AP3M1: variants seen among roughly 807,000 people sequenced by gnomAD.
AP3M1 encodes AP-3 complex subunit mu-1.
A neutral mutation model predicts 42.6 loss-of-function variants in AP3M1; 29 were observed. That is an observed-to-expected ratio of 0.68 (90% confidence interval 0.51 to 0.93). The LOEUF is 0.93. Ranked by LOEUF, AP3M1 falls within the 40% of genes least tolerant of loss-of-function variation. The pLI is 0.00. For missense variants in AP3M1, 416 were observed against 510.2 expected (o/e 0.82, Z 1.78); for synonymous variants, 178 against 175.3 (o/e 1.02, Z -0.12).
Position 74,122,129 on chromosome 10 carries a change from C to T in AP3M1, c.*1681G>A, listed in dbSNP as rs973496292. On this transcript the variant is annotated 3_prime_UTR_variant, in exon 9 of 9. Coordinates refer to ENST00000355264, the MANE Select transcript of AP3M1 (RefSeq NM_012095.6). Reference sequence around the variant, plus strand: ...GGCAAAAGGAATAAATATTTGGCAACATTTTGACTTTAACTGCCAATCTGA... The same window carrying T: ...GGCAAAAGGAATAAATATTTGGCAATATTTTGACTTTAACTGCCAATCTGA... The T allele has an allele frequency of 7.9e-5, 12 of 152,170 alleles. No homozygotes were observed. The highest frequency in any genetic ancestry group is 2.7e-4 in the African/African-American group (11 of 41,434). 9.4% of individuals were successfully genotyped at this position (152,170 alleles called of 1,614,324 possible). A position where few individuals can be genotyped will look rare whatever the true frequency, so the allele number is the denominator to read the frequency against.
At chr10:74,124,559 C>T (rs761902577) in intron 7 of AP3M1, 35 bp from the exon 8 acceptor site, 2 of 1,539,058 alleles carry the variant, frequency 1.3e-6, no homozygotes, top group Non-Finnish European at 1.8e-6. Context: ...CAAATAGAAC[C>T]ATTTATTAAA....
Position 74,138,329 on chromosome 10 carries a change from C to G in AP3M1, c.51G>C (p.Glu17Asp), listed in dbSNP as rs1250297271. The change falls in exon 2 of 9, where the codon GAG (glutamate) becomes GAC (aspartate). Residue 17 changes from glutamate to aspartate, a missense_variant. Transcript: ENST00000355264. Reference sequence around the variant, plus strand: ...GGCTCACAACGCTCTTCCAGTGCTTCTCTAGAAATATGTCACCGGAACAGT... The same window carrying G: ...GGCTCACAACGCTCTTCCAGTGCTTGTCTAGAAATATGTCACCGGAACAGT... ...LINCSGDIFL[E>D]KHWKSVVSQS... 6.2e-7 allele frequency: 1 copy of G among 1,614,136 alleles called. No individual in the cohort carries two copies. Among genetic ancestry groups the G allele is most frequent in the Non-Finnish European group, 8.5e-7 (1 of 1,180,010 alleles).
chr10:74,134,559 T>C (rs929240287), intron 3 of AP3M1, among the ~76,000 whole-genome samples: 7 of 152,254 alleles, frequency 4.6e-5, no homozygotes, highest in African/African-American at 7.2e-5. Context: ...CCTTCAGTAT[T>C]CAACTTTATT....
At chr10:74,144,666 T>C (rs1841274715) in intron 1 of AP3M1, among the ~76,000 whole-genome samples, 1 of 141,886 alleles carries the variant, frequency 7.0e-6, no homozygotes, top group African/African-American at 2.6e-5. Context: ...TAGCTTATGA[T>C]TTTTTTTTTT....
At position 74,126,600 on chromosome 10, in the gene AP3M1, C is replaced by A. The variant is rs542873614; in HGVS notation, c.804-245G>T. The stretch of plus-strand genomic sequence containing the variant: ...TGGTGGCTCATGCCTGTAATCCCAG[C>A]ACTTTGGGAGGCCGAGACCAGGGTT... On this transcript the variant is annotated intron_variant, in intron 6 of 8. Coordinates refer to ENST00000355264, the MANE Select transcript of AP3M1 (RefSeq NM_012095.6). Among the ~76,000 whole-genome samples the A allele has an allele frequency of 3.9e-5, 6 of 152,170 alleles. No homozygotes were observed. The East Asian group carries it at 1.2e-3, about 29-fold the overall frequency.
chr10:74,146,924 A>C (rs569621381), intron 1 of AP3M1, among the ~76,000 whole-genome samples: 2 of 152,220 alleles, frequency 1.3e-5, no homozygotes, highest in East Asian at 3.9e-4. Context: ...ATAGCTTATT[A>C]GTGTATTTCC....
chr10:74,142,785 T>C (rs1841196956), intron 1 of AP3M1, among the ~76,000 whole-genome samples: 1 of 152,240 alleles, frequency 6.6e-6, no homozygotes, highest in African/African-American at 2.4e-5. Context: ...ACTTGCTATA[T>C]AGAACCTGCT....
chr10:74,136,859 A>G, intron 2 of AP3M1, 56 bp from the exon 3 acceptor site: 2 of 1,222,080 alleles, frequency 1.6e-6, no homozygotes, highest in Non-Finnish European at 2.2e-6. Context: ...AAGGCCTGCT[A>G]AATACTTTTT....
At position 74,134,203 on chromosome 10, in the gene AP3M1, A is replaced by C. The variant is rs368987243; in HGVS notation, c.446-39T>G. ...AAGGAGAAGGCAAAGCTGATGTATA[A>C]AACAGTCATGAGAAAATTTATTACT... On this transcript the variant is annotated intron_variant, in intron 3 of 8. Transcript: ENST00000355264. The C allele has an allele frequency of 3.5e-5, 55 of 1,565,288 alleles. No homozygotes were observed. In the South Asian group the frequency reaches 4.4e-4, roughly 13 times the overall value.
chr10:74,145,498 A>G (rs2132000374), intron 1 of AP3M1, among the ~76,000 whole-genome samples: 1 of 152,388 alleles, frequency 6.6e-6, no homozygotes, highest in South Asian at 2.1e-4. Flanking sequence ...TCTAATGCAT[A>G]TAACAATTAA....
intron 1 of AP3M1, chr10:74,150,390 TC>T: frequency 6.5e-6 from 1 of 152,816 alleles, no homozygotes; most frequent in Middle Eastern, 3.4e-3. Context: ...CCCAGGCTCT[TC>T]CAGGCACCAC....
chr10:74,136,498 C>A, intron 3 of AP3M1, 134 bp downstream of exon 3: 4 of 565,632 alleles, frequency 7.1e-6, no homozygotes, highest in Non-Finnish European at 1.1e-5. Context: ...ATAGTACATC[C>A]ATTTTAACTT....
At chr10:74,132,851 C>T (rs749199292) in intron 4 of AP3M1, among the ~76,000 whole-genome samples, 3 of 152,130 alleles carry the variant, frequency 2.0e-5, no homozygotes, top group Non-Finnish European at 4.4e-5. Context: ...GGTAGAGGTA[C>T]ATAGGGTAAT....
intron 1 of AP3M1, among the ~76,000 whole-genome samples, chr10:74,149,483 T>C (rs1049537222): frequency 6.6e-6 from 1 of 151,724 alleles, no homozygotes; most frequent in Non-Finnish European, 1.5e-5. Flanking sequence ...AGAGACAGGG[T>C]TTCACTATGT....
intron 3 of AP3M1, among the ~76,000 whole-genome samples, chr10:74,134,802 A>G (rs575812283): frequency 6.6e-6 from 1 of 152,328 alleles, no homozygotes; most frequent in South Asian, 2.1e-4. Flanking sequence ...CGAAAGTACT[A>G]CATACTTAAC....
At chr10:74,130,159 C>A (rs1840740710) in intron 4 of AP3M1, among the ~76,000 whole-genome samples, 167 bp from the exon 5 acceptor site, 1 of 152,114 alleles carries the variant, frequency 6.6e-6, no homozygotes, top group South Asian at 2.1e-4. Context: ...CAGCCTCACT[C>A]CTGGGCTCAA....
At chr10:74,133,653 CT>C (rs1472307685) in intron 4 of AP3M1, among the ~76,000 whole-genome samples, 1 of 151,390 alleles carries the variant, frequency 6.6e-6, no homozygotes, top group African/African-American at 2.4e-5. Flanking sequence ...CTTCAATTTT[CT>C]TTTCCTTTCT....
In AP3M1 at chr10:74,138,176, A is replaced by G; in HGVS notation, c.204T>C (p.Ser68=). The G allele has an allele frequency of 6.2e-7, 1 of 1,614,198 alleles. No individual in the cohort carries two copies. Among genetic ancestry groups the G allele is most frequent in the Non-Finnish European group, 8.5e-7 (1 of 1,180,028 alleles). ...GAGGTGGCACTTCGGTCTGTATGAC[A>G]GATACAAAGAAGAGCTTATCCCGGT... The part of the protein sequence containing the change: ...SIYRDKLFFV[S]VIQTEVPPLF... The change falls in exon 2 of 9, where the codon TCT becomes TCC. Residue 68 remains serine (S), a synonymous_variant. Coordinates refer to ENST00000355264, the MANE Select transcript of AP3M1 (RefSeq NM_012095.6).
At chr10:74,134,314 C>A (rs1840879368) in intron 3 of AP3M1, 150 bp from the exon 4 acceptor site, 2 of 786,782 alleles carry the variant, frequency 2.5e-6, no homozygotes, top group Admixed American at 3.0e-5. Flanking sequence ...CATATCCATA[C>A]CAACATGATC....
Sources: allele counts gnomAD v4.1 joint callset (sites outside exome capture counted in the v4.1 genomes callset), GRCh38; gene constraint gnomAD v4.1.1; transcripts MANE v1.5; gene names NCBI Gene and HGNC (gene_info 2026-07-23, HGNC 2026-07-21).